ATP8B3: variants seen among roughly 807,000 people sequenced by gnomAD.
ATP8B3 encodes the protein ATPase phospholipid transporting 8B3, also known as phospholipid-transporting ATPase IK.
Under a neutral mutation model 140.9 loss-of-function variants are expected in ATP8B3, and 141 were observed. The observed-to-expected ratio is 1.00, with a 90% CI of 0.87 to 1.15. The LOEUF is 1.15. Ranked by LOEUF, ATP8B3 falls within the 50% of genes most tolerant of loss-of-function variation. ATP8B3 has a pLI of 0.00. For missense variants in ATP8B3, 1,874 were observed against 1,740.6 expected, an observed-to-expected ratio of 1.08 and a Z score of -1.36; for synonymous variants, 765 against 714.6, an observed-to-expected ratio of 1.07 and a Z score of -1.13.
chr19:1,797,335 A>G (rs2068711821), intron 14 of ATP8B3, among the ~76,000 whole-genome samples: 1 of 145,246 alleles, frequency 6.9e-6, no homozygotes, highest in Non-Finnish European at 1.5e-5. Flanking sequence ...GGGACCCCAA[A>G]AGGACAGCCT....
intron 27 of ATP8B3, 61 bp from the exon 28 acceptor site, chr19:1,785,007 AG>A: frequency 6.4e-7 from 1 of 1,553,684 alleles, no homozygotes; most frequent in African/African-American, 1.4e-5. Context: ...CCCCCAGGCT[AG>A]GGAGCGCCTT....
chr19:1,797,816 G>C (rs1371103188), intron 14 of ATP8B3, among the ~76,000 whole-genome samples: 3 of 151,740 alleles, frequency 2.0e-5, no homozygotes, highest in Admixed American at 2.0e-4. Context: ...ATGCTTTATT[G>C]TTCTTAGAAA....
chr19:1,807,901 G>C lies in ATP8B3; in HGVS notation c.516+321C>G, dbSNP rs1376810772. Among the ~76,000 whole-genome samples, 22 of 152,252 alleles carry C rather than the reference G, an allele frequency of 1.4e-4. No homozygotes were observed. The highest frequency in any genetic ancestry group is 1.2e-3 in the Admixed American group (19 of 15,292). Reference sequence around the variant, plus strand: ...CCTCTGAGGTCAGCTGGGAGGGCGGGGGCCAGGGGAGCTGCGTGGCCGAGG... The same window carrying C: ...CCTCTGAGGTCAGCTGGGAGGGCGGCGGCCAGGGGAGCTGCGTGGCCGAGG... On this transcript the variant is annotated intron_variant, in intron 5 of 28. Transcript: ENST00000310127. This position sits in a 1 kb window ranked among gnomAD's most constrained non-coding sequence, Gnocchi z 5.9.
intron 25 of ATP8B3, 99 bp from the exon 26 acceptor site, chr19:1,785,807 T>G: frequency 5.5e-6 from 7 of 1,281,004 alleles, no homozygotes; most frequent in African/African-American, 1.5e-5. Flanking sequence ...GGCCACTCTC[T>G]GTGTGTGGCT....
At position 1,811,560 on chromosome 19, in the gene ATP8B3, G is replaced by T; in HGVS notation, c.177C>A (p.Gly59=). The part of the protein sequence containing the change: ...VIRAGMGDSP[G]RGAPERRHKA... ...TGTGCCTCCTCTCAGGTGCCCCTCT[G>T]CCTGGGGAGTCTCCCATCCCAGCTC... The change falls in exon 2 of 29, where the codon GGC becomes GGA. Residue 59 remains glycine, a synonymous_variant. Coordinates refer to ENST00000310127, the MANE Select transcript of ATP8B3 (RefSeq NM_138813.4). The T allele has an allele frequency of 6.2e-7, 1 of 1,612,288 alleles. No homozygotes were observed.
At chr19:1,796,393 C>T in intron 16 of ATP8B3, 128 bp from the exon 17 acceptor site, 1 of 915,222 alleles carries the variant, frequency 1.1e-6, no homozygotes, top group Non-Finnish European at 1.6e-6. Flanking sequence ...CCCGCCTGTA[C>T]AACCCAATGC....
At chr19:1,802,780 C>A (rs1157586797) in intron 10 of ATP8B3, 135 bp from the exon 11 acceptor site, 34 of 1,089,460 alleles carry the variant, frequency 3.1e-5, no homozygotes, top group Non-Finnish European at 4.3e-5. Context: ...CTATGGTGCC[C>A]CAGCACTGGG....
chr19:1,790,840 G>A lies in ATP8B3; in HGVS notation c.2303-8C>T, dbSNP rs1043729872. 1 of 1,592,854 alleles carries A rather than the reference G, an allele frequency of 6.3e-7. No individual in the cohort carries two copies. Among genetic ancestry groups the A allele is most frequent in the Non-Finnish European group, 8.5e-7 (1 of 1,171,582 alleles). Reference sequence around the variant, plus strand: ...CGATGTTCACAGCCGTTTCTGCGAAGCAGACCAGCTCAGCGCCTCTGCGAC... The same window carrying A: ...CGATGTTCACAGCCGTTTCTGCGAAACAGACCAGCTCAGCGCCTCTGCGAC... On this transcript the variant is annotated splice_polypyrimidine_tract_variant and splice_region_variant and intron_variant, in intron 20 of 28. Transcript: ENST00000310127.
In ATP8B3 at chr19:1,789,584, C is replaced by G. The variant is rs1025552985; in HGVS notation, c.2622G>C (p.Gly874=). Residue 874 remains glycine, a synonymous_variant, in exon 23 of 29, where the codon GGG becomes GGC. Transcript: ENST00000310127. The part of the protein sequence containing the change: ...RRLSLLCRRF[G]LPLAAPPAQD... Reference sequence around the variant, plus strand: ...GGGCTGGCGGTGCAGCCAGCGGGAGCCCGAACCTCCGGCACAGCAGGGACA... The same window carrying G: ...GGGCTGGCGGTGCAGCCAGCGGGAGGCCGAACCTCCGGCACAGCAGGGACA... 6.3e-7 allele frequency: 1 copy of G among 1,592,718 alleles called. No homozygotes were observed. The highest frequency in any genetic ancestry group is 1.3e-5 in the African/African-American group (1 of 74,570).
Position 1,788,974 on chromosome 19 carries a change from G to T in ATP8B3, c.2992C>A (p.Arg998Ser), listed in dbSNP as rs962625213. The T allele has an allele frequency of 1.9e-6, 3 of 1,609,766 alleles. No homozygotes were observed. Among genetic ancestry groups the T allele is most frequent in the Admixed American group, 1.7e-5 (1 of 59,578 alleles). ...WSYVRICKFL[R>S]YFFYKSMASM... The stretch of plus-strand genomic sequence containing the variant: ...GCCATGCTCTTGTAGAAGAAGTAGC[G>T]CAGGAACTTGCAGATCCGCACGTAG... Residue 998 changes from arginine to serine, a missense_variant, in exon 24 of 29, where the codon CGC becomes AGC. Arg to Ser is a moderately radical substitution (Grantham distance 110). Transcript: ENST00000310127.
intron 11 of ATP8B3, 52 bp downstream of exon 11, chr19:1,802,435 A>G: frequency 1.8e-6 from 2 of 1,121,064 alleles, no homozygotes; most frequent in Non-Finnish European, 2.3e-6. Flanking sequence ...ACATCCATCT[A>G]CCACGCTCCC....
At chr19:1,785,825 T>A in intron 25 of ATP8B3, 117 bp from the exon 26 acceptor site, 3 of 1,133,522 alleles carry the variant, frequency 2.6e-6, no homozygotes, top group Non-Finnish European at 3.7e-6. Context: ...GCTCTTTGAG[T>A]TTAAGTGAGT....
chr19:1,796,521 G>C (rs1050255465), intron 16 of ATP8B3, among the ~76,000 whole-genome samples, 190 bp downstream of exon 16: 1 of 152,224 alleles, frequency 6.6e-6, no homozygotes, highest in African/African-American at 2.4e-5. Flanking sequence ...CTCCCGCCAC[G>C]ATGCTTGTCA....
chr19:1,785,656 T>C lies in ATP8B3; in HGVS notation c.3206A>G (p.Gln1069Arg), dbSNP rs771951626. The C allele has an allele frequency of 1.2e-6, 2 of 1,611,430 alleles. No homozygotes were observed. Among genetic ancestry groups the C allele is most frequent in the South Asian group, 1.1e-5 (1 of 91,024 alleles). The change falls in exon 26 of 29, where the codon CAG becomes CGG. Residue 1069 changes from glutamine to arginine, a missense_variant. Physicochemically the swap from Gln to Arg is conservative, Grantham distance 43. Coordinates refer to ENST00000310127, the MANE Select transcript of ATP8B3 (RefSeq NM_138813.4). ...CCAGTAGTTGAAGAGCTCGTCCTTC[T>C]GCCCCACCACGTACAGCTCCGGCTT... ...LEKPELYVVG[Q>R]KDELFNYWVF...
At position 1,788,915 on chromosome 19, in the gene ATP8B3, G is replaced by C. The variant is rs1414362514; in HGVS notation, c.3051C>G (p.Tyr1017Ter). ...SMMVQVWFAC[Y>*]NGFTGQPLYE... ...GACGCACCTGGCCGGTGAAGCCGTT[G>C]TAGCAGGCAAACCAGACCTGCACCA... The change falls in exon 24 of 29, where the codon TAC (tyrosine) becomes TAG (stop). Residue 1017 changes from tyrosine to a stop codon, truncating the protein, a stop_gained. Coordinates refer to ENST00000310127, the MANE Select transcript of ATP8B3 (RefSeq NM_138813.4). LOFTEE classifies it high-confidence loss of function. 1 of 1,598,832 alleles carries C rather than the reference G, an allele frequency of 6.3e-7. No individual in the cohort carries two copies. Among genetic ancestry groups the C allele is most frequent in the Admixed American group, 1.7e-5 (1 of 57,820 alleles).
chr19:1,793,764 ATGGAGTCTCACTCTGTTGCCCAGGC>A (rs1303186525), intron 18 of ATP8B3, among the ~76,000 whole-genome samples: 1 of 152,014 alleles, frequency 6.6e-6, no homozygotes, highest in African/African-American at 2.4e-5. Context: ...ATTTTTTGAG[ATGGAGTCTCACTCTGTTGCCCAGGC>A]TGGAGTGTAG....
rs780699726 is a variant in ATP8B3 at position 1,800,288 on chromosome 19, G to T, written c.1314C>A (p.Ser438Arg). Residue 438 changes from serine to arginine, a missense_variant, in exon 13 of 29, where the codon AGC (serine) becomes AGA (arginine). Ser to Arg is a moderately radical substitution (Grantham distance 110, BLOSUM62 -1). Coordinates refer to ENST00000310127, the MANE Select transcript of ATP8B3 (RefSeq NM_138813.4). This position sits in a 1 kb window ranked among gnomAD's most constrained non-coding sequence, Gnocchi z 4.4. ...TGAACATGGACATCGGGATGGTGAC[G>T]CTGAGCAGGATGAGGAAGCTCCAGA... ...FVFWSFLILL[S>R]VTIPMSMFIL... 4 of 1,612,546 alleles carry T rather than the reference G, an allele frequency of 2.5e-6. No individual in the cohort carries two copies. The Admixed American group carries it at 6.7e-5, about 27-fold the overall frequency.
At position 1,785,727 on chromosome 19, in the gene ATP8B3, T is replaced by G; in HGVS notation, c.3154-19A>C. On this transcript the variant is annotated intron_variant, in intron 25 of 28. Transcript: ENST00000310127. The stretch of plus-strand genomic sequence containing the variant: ...TCACGTCCTTGGGGCAAGCAGAAGC[T>G]CTTGGGATTGGGTGGGGGGCGGGGG... 4 of 843,628 alleles carry G rather than the reference T, an allele frequency of 4.7e-6. No individual in the cohort carries two copies. Among genetic ancestry groups the G allele is most frequent in the East Asian group, 4.3e-5 (1 of 23,352 alleles). 52.3% of individuals were successfully genotyped at this position (843,628 alleles called of 1,614,324 possible). A position where few individuals can be genotyped will look rare whatever the true frequency, so the allele number is the denominator to read the frequency against.
chr19:1,785,286 G>A lies in ATP8B3; in HGVS notation c.3405C>T (p.Ile1135=), dbSNP rs267605346. The stretch of plus-strand genomic sequence containing the variant: ...CGCACAGGGCGGTCCAGTACTTGAT[G>A]ATAAGAATGACCTGGACAGGCAGCG... ...LLSITMEVIL[I]IKYWTALCVA... The change falls in exon 27 of 29, where the codon ATC becomes ATT. Residue 1135 remains isoleucine, a synonymous_variant. Transcript: ENST00000310127. 2.5e-6 allele frequency: 4 copies of A among 1,599,782 alleles called. No homozygotes were observed. The highest frequency in any genetic ancestry group is 1.7e-5 in the Admixed American group (1 of 57,734).
Sources: gnomAD v4.1 joint callset for allele counts (sites outside exome capture counted in the v4.1 genomes callset) on GRCh38, gnomAD v4.1.1 for gene constraint, Gnocchi (gnomAD v3.1) non-coding constraint, MANE v1.5 for transcripts, NCBI Gene and HGNC (gene_info 2026-07-23, HGNC 2026-07-21) for gene names.